Variants in LHX2 observed in about 807,000 individuals in gnomAD.
LHX2 encodes the protein LIM/homeobox protein Lhx2.
A neutral mutation model predicts 33.0 loss-of-function variants in LHX2; 6 were observed. That is an observed-to-expected ratio of 0.18 (90% CI 0.10 to 0.36). The LOEUF is 0.36. Ranked by LOEUF, LHX2 falls within the 10% of genes least tolerant of loss-of-function variation. The probability of loss-of-function intolerance (pLI) is 1.00; values close to 1 mark genes in which losing one functional copy is unlikely to be tolerated. For synonymous variants in LHX2, 292 were observed against 253.1 expected (o/e 1.15, Z -1.46); for missense variants, 442 against 586.2 (o/e 0.75, Z 2.54).
chr9:124,022,813 G>A (rs761728730), intron 4 of LHX2, among the ~76,000 whole-genome samples: 33 of 152,250 alleles, frequency 2.2e-4, no homozygotes, highest in Non-Finnish European at 3.7e-4. Flanking sequence ...GGGCCCCTAG[G>A]CTCCCGAGGC....
In LHX2 at chr9:124,032,295, T is replaced by G; in HGVS notation, c.934-125T>G. The stretch of plus-strand genomic sequence containing the variant: ...AAAAGCAAAATATTGCCAACCTGAC[T>G]TTTTGGATCCTCTTGGCAAAACACA... On this transcript the variant is annotated intron_variant, in intron 4 of 4. Coordinates refer to ENST00000373615, the MANE Select transcript of LHX2 (RefSeq NM_004789.4). This position sits in a 1 kb window ranked among gnomAD's most constrained non-coding sequence, Gnocchi z 4.1. 8.2e-7 allele frequency: 1 copy of G among 1,221,132 alleles called. No individual in the cohort carries two copies. Among genetic ancestry groups the G allele is most frequent in the Non-Finnish European group, 1.1e-6 (1 of 902,384 alleles). The allele number at this position is 1,221,132 out of a possible 1,614,324, so 75.6% of individuals were successfully genotyped here.
In LHX2 at chr9:124,016,390, G is replaced by T. The variant is rs532261980; in HGVS notation, c.727+865G>T. Among the ~76,000 whole-genome samples, 7 of 152,226 alleles carry T rather than the reference G, an allele frequency of 4.6e-5. No individual in the cohort carries two copies. The highest frequency in any genetic ancestry group is 1.0e-4 in the Non-Finnish European group (7 of 68,042). ...GCAAATGAGCCGTCAACATCTGCCC[G>T]AAGTCTGCAAGGCCCGGAAAGGTTT... On this transcript the variant is annotated intron_variant, in intron 3 of 4. Coordinates refer to ENST00000373615, the MANE Select transcript of LHX2 (RefSeq NM_004789.4). The surrounding 1 kb of genome is among the most constrained non-coding windows in gnomAD (Gnocchi z 4.4).
rs1452012686 is a variant in LHX2, at chr9:124,013,892, G to GT, written c.121-66dup. On this transcript the variant is annotated intron_variant, in intron 1 of 4. Transcript: ENST00000373615. ...GCCACAGAGGGAGTTGTGGGTGCCG[G>GT]TTTCCCGGCGGCGGAGGGGCCGCTG... 3 of 1,486,998 alleles carry GT rather than the reference G, an allele frequency of 2.0e-6. No individual in the cohort carries two copies. In the African/African-American group the frequency reaches 4.1e-5, roughly 21 times the overall value. The allele number at this position is 1,486,998 out of a possible 1,614,324, so 92.1% of individuals were successfully genotyped here.
Position 124,012,431 on chromosome 9 carries a change from C to A in LHX2, c.83C>A (p.Ala28Asp). The change falls in exon 1 of 5, where the codon GCC (alanine) becomes GAC (aspartate). Residue 28 changes from alanine (A) to aspartate (D), a missense_variant. By Grantham distance (126) the Ala-to-Asp change is moderately radical. Coordinates refer to ENST00000373615, the MANE Select transcript of LHX2 (RefSeq NM_004789.4). The surrounding 1 kb of genome is among the most constrained non-coding windows in gnomAD (Gnocchi z 4.3). ...CGCAGGGCCAAGAGCGAGGCTCCCG[C>A]CATCAGCTCCGCCATCGACCGCGGC... is the stretch of plus-strand genomic sequence containing the variant. ...MDRRAKSEAP[A>D]ISSAIDRGDT... The A allele has an allele frequency of 6.5e-7, 1 of 1,541,236 alleles. No homozygotes were observed. Among genetic ancestry groups the A allele is most frequent in the Non-Finnish European group, 8.7e-7 (1 of 1,149,932 alleles).
chr9:124,032,912 A>C lies in LHX2; in HGVS notation c.*205A>C. 1 of 512,702 alleles carries C rather than the reference A, an allele frequency of 2.0e-6. No homozygotes were observed. Among genetic ancestry groups the C allele is most frequent in the East Asian group, 3.3e-5 (1 of 30,710 alleles). The allele number at this position is 512,702 out of a possible 1,614,324, so 31.8% of individuals were successfully genotyped here. A position where few individuals can be genotyped will look rare whatever the true frequency, so the allele number is the denominator to read the frequency against. On this transcript the variant is annotated 3_prime_UTR_variant, in exon 5 of 5. Transcript: ENST00000373615. The surrounding 1 kb of genome is among the most constrained non-coding windows in gnomAD (Gnocchi z 4.1). ...GAACAACTTGGAAGATCTACCTGCAACACAACATTTGTGTCACTGTACAGT... is the reference window on the plus strand; with the variant it reads ...GAACAACTTGGAAGATCTACCTGCACCACAACATTTGTGTCACTGTACAGT...
chr9:124,030,991 G>A (rs948294755), intron 4 of LHX2, among the ~76,000 whole-genome samples: 2 of 152,094 alleles, frequency 1.3e-5, no homozygotes, highest in African/African-American at 4.8e-5. Context: ...AAAGATATGG[G>A]AGTGGACGCG....
In LHX2 at chr9:124,012,523, C is replaced by A; in HGVS notation, c.120+55C>A. ...AGAGCTGGGATGGGGCCGGGCCAGT[C>A]AGCGCCTCTGCTCCCCGAAGTTTGG... is the stretch of plus-strand genomic sequence containing the variant. On this transcript the variant is annotated intron_variant, in intron 1 of 4. Coordinates refer to ENST00000373615, the MANE Select transcript of LHX2 (RefSeq NM_004789.4). This position sits in a 1 kb window ranked among gnomAD's most constrained non-coding sequence, Gnocchi z 4.3. 2 of 1,444,714 alleles carry A rather than the reference C, an allele frequency of 1.4e-6. No homozygotes were observed. Among genetic ancestry groups the A allele is most frequent in the South Asian group, 1.4e-5 (1 of 73,778 alleles). 89.5% of individuals were successfully genotyped at this position (1,444,714 alleles called of 1,614,324 possible). A position where few individuals can be genotyped will look rare whatever the true frequency, so the allele number is the denominator to read the frequency against.
At chr9:124,023,995 C>A (rs1435169896) in intron 4 of LHX2, among the ~76,000 whole-genome samples, 1 of 152,248 alleles carries the variant, frequency 6.6e-6, no homozygotes, top group Non-Finnish European at 1.5e-5. Context: ...ATGATCTCCA[C>A]TTGCCCCAAA....
At chr9:124,024,010 A>C (rs1376089880) in intron 4 of LHX2, among the ~76,000 whole-genome samples, 1 of 152,166 alleles carries the variant, frequency 6.6e-6, no homozygotes, top group Non-Finnish European at 1.5e-5. Context: ...CCCAAATCAC[A>C]CTTTATAGTT....
intron 4 of LHX2, among the ~76,000 whole-genome samples, chr9:124,026,636 T>G (rs1828627472): frequency 6.6e-6 from 1 of 152,204 alleles, no homozygotes; most frequent in Non-Finnish European, 1.5e-5. Context: ...TGACTGTGTC[T>G]TTCTCTTGGA....
chr9:124,024,272 C>T (rs935304342), intron 4 of LHX2, among the ~76,000 whole-genome samples: 1 of 152,244 alleles, frequency 6.6e-6, no homozygotes, highest in Non-Finnish European at 1.5e-5. Context: ...ATCTACCTTA[C>T]CTTAAGATTT....
chr9:124,024,573 TA>T (rs1318855579), intron 4 of LHX2, among the ~76,000 whole-genome samples: 17 of 152,356 alleles, frequency 1.1e-4, no homozygotes, highest in Non-Finnish European at 2.4e-4. Flanking sequence ...ATGAGAAGGA[TA>T]CCTTACTGGT....
At chr9:124,028,298 C>A (rs1188019505) in intron 4 of LHX2, among the ~76,000 whole-genome samples, 1 of 152,190 alleles carries the variant, frequency 6.6e-6, no homozygotes, top group East Asian at 1.9e-4. Context: ...GGCTGGGGCA[C>A]CCCGGCCTGG....
intron 4 of LHX2, among the ~76,000 whole-genome samples, chr9:124,022,799 G>T (rs1181915424): frequency 6.6e-6 from 1 of 152,240 alleles, no homozygotes; most frequent in East Asian, 1.9e-4. Flanking sequence ...GGAGCCGGGA[G>T]TTGGGGCCCC....
rs115724467 is a variant in LHX2 at position 124,031,093 on chromosome 9, C to T, written c.934-1327C>T. Among the ~76,000 whole-genome samples the T allele has an allele frequency of 8.7e-3, 1,319 of 152,274 alleles. 13 individuals carry two copies. The highest frequency in any genetic ancestry group is 0.03 in the African/African-American group (1,258 of 41,546). On this transcript the variant is annotated intron_variant, in intron 4 of 4. Coordinates refer to ENST00000373615, the MANE Select transcript of LHX2 (RefSeq NM_004789.4). ...AGAGCTCAGCCCCAGCTCTGCGCCCCGCCGCACGTCCCTCATAAGTCGATA... is the reference window on the plus strand; with the variant it reads ...AGAGCTCAGCCCCAGCTCTGCGCCCTGCCGCACGTCCCTCATAAGTCGATA...
intron 3 of LHX2, among the ~76,000 whole-genome samples, chr9:124,020,740 C>T (rs1037148895): frequency 1.3e-5 from 2 of 152,152 alleles, no homozygotes; most frequent in African/African-American, 4.8e-5. Flanking sequence ...CCTGGAAAGC[C>T]CTTTAACACA....
chr9:124,018,272 G>GAA (rs35226188), intron 3 of LHX2, among the ~76,000 whole-genome samples: 1 of 140,448 alleles, frequency 7.1e-6, no homozygotes. Context: ...TAATTGAGAG[G>GAA]AAAAAAAAAA....
chr9:124,018,483 C>T (rs1328279454), intron 3 of LHX2, among the ~76,000 whole-genome samples: 3 of 152,098 alleles, frequency 2.0e-5, no homozygotes, highest in East Asian at 1.9e-4. Flanking sequence ...CTCGGCCTCG[C>T]TACTTAGGGC....
In LHX2 at chr9:124,013,878, A is replaced by C. The variant is rs904629262; in HGVS notation, c.121-83A>C. On this transcript the variant is annotated intron_variant, in intron 1 of 4. Transcript: ENST00000373615. ...TCAGGGTAGCCAAGGCCACAGAGGG[A>C]GTTGTGGGTGCCGGTTTCCCGGCGG... The C allele has an allele frequency of 3.9e-5, 49 of 1,271,420 alleles. No individual in the cohort carries two copies. In the African/African-American group the frequency reaches 5.7e-4, roughly 15 times the overall value. 78.8% of individuals were successfully genotyped at this position (1,271,420 alleles called of 1,614,324 possible). A position where few individuals can be genotyped will look rare whatever the true frequency, so the allele number is the denominator to read the frequency against.
Sources: gnomAD v4.1 joint callset for allele counts (sites outside exome capture counted in the v4.1 genomes callset) on GRCh38, gnomAD v4.1.1 for gene constraint, Gnocchi (gnomAD v3.1) non-coding constraint, MANE v1.5 for transcripts, NCBI Gene and HGNC (gene_info 2026-07-23, HGNC 2026-07-21) for gene names.